Variants in TLN2 observed in about 807,000 individuals in gnomAD.
TLN2 encodes talin-2.
Under a neutral mutation model 294.7 loss-of-function variants are expected in TLN2, and 118 were observed. The observed-to-expected ratio is 0.40, with a 90% CI of 0.34 to 0.47. The LOEUF (loss-of-function observed/expected upper bound fraction) is 0.47. Ranked by LOEUF, TLN2 falls within the 20% of genes least tolerant of loss-of-function variation. The probability of loss-of-function intolerance (pLI) is 0.84; values close to 1 mark genes in which losing one functional copy is unlikely to be tolerated. For synonymous variants in TLN2, 1,431 were observed against 1,304.5 expected, an observed-to-expected ratio of 1.10 and a Z score of -2.09; for missense variants, 3,083 against 3,282.2, an observed-to-expected ratio of 0.94 and a Z score of 1.48.
chr15:62,775,585 A>G (rs1402903644), intron 42 of TLN2, among the ~76,000 whole-genome samples: 2 of 152,186 alleles, frequency 1.3e-5, no homozygotes, highest in East Asian at 1.9e-4. Flanking sequence ...TGGCTTTTCA[A>G]TTCAGACATG....
rs1399254111 is a variant in TLN2, at chr15:62,783,881, A to T, written c.5727A>T (p.Glu1909Asp). The T allele has an allele frequency of 6.2e-7, 1 of 1,613,874 alleles. No individual in the cohort carries two copies. Among genetic ancestry groups the T allele is most frequent in the Non-Finnish European group, 8.5e-7 (1 of 1,179,978 alleles). ...FQGQMAAATA[E>D]PEEIGFQIRT... ...GCCAGATGGCAGCAGCCACGGCGGAACCAGAGGAGGTCTGCCACCTTAAGA... is the reference window on the plus strand; with the variant it reads ...GCCAGATGGCAGCAGCCACGGCGGATCCAGAGGAGGTCTGCCACCTTAAGA... The change falls in exon 45 of 59, where the codon GAA becomes GAT. Residue 1909 changes from glutamate to aspartate, a missense_variant. Physicochemically the swap from Glu to Asp is conservative, Grantham distance 45. Transcript: ENST00000636159.
chr15:62,626,333 T>A (rs1006267669), intron 3 of TLN2, among the ~76,000 whole-genome samples: 1 of 152,172 alleles, frequency 6.6e-6, no homozygotes, highest in Non-Finnish European at 1.5e-5. Flanking sequence ...CAAAAGTAGG[T>A]ATTTCAGGTT....
At chr15:62,658,840 C>A (rs1399988348) in intron 9 of TLN2, among the ~76,000 whole-genome samples, 2 of 152,142 alleles carry the variant, frequency 1.3e-5, no homozygotes, top group African/African-American at 4.8e-5. Context: ...CGGCTGGCCC[C>A]TCAGATACAA....
chr15:62,556,548 C>T (rs546351805), intron 1 of TLN2, among the ~76,000 whole-genome samples: 13 of 152,010 alleles, frequency 8.6e-5, no homozygotes, highest in Admixed American at 5.2e-4. Context: ...ATCCTCCTGC[C>T]GCAGCCTCCT....
intron 1 of TLN2, among the ~76,000 whole-genome samples, chr15:62,589,371 A>G (rs954253728): frequency 6.6e-6 from 1 of 152,198 alleles, no homozygotes; most frequent in African/African-American, 2.4e-5. Flanking sequence ...TGTTTTCGAC[A>G]TTGAGGGAGG....
intron 1 of TLN2, among the ~76,000 whole-genome samples, chr15:62,555,788 A>G (rs1231663710): frequency 1.3e-5 from 2 of 152,134 alleles, no homozygotes; most frequent in African/African-American, 2.4e-5. Context: ...CTAAATATCA[A>G]TGTATTTGCT....
chr15:62,674,440 C>A (rs554537074), intron 10 of TLN2, among the ~76,000 whole-genome samples: 1 of 151,996 alleles, frequency 6.6e-6, no homozygotes, highest in Admixed American at 6.5e-5. Context: ...ATAAAACATT[C>A]TTTTCTCCAG....
At position 62,835,786 on chromosome 15, in the gene TLN2, G is replaced by C; in HGVS notation, c.7178G>C (p.Gly2393Ala). 1.2e-6 allele frequency: 2 copies of C among 1,614,182 alleles called. No individual in the cohort carries two copies. The highest frequency in any genetic ancestry group is 1.7e-6 in the Non-Finnish European group (2 of 1,180,040). ...GCAGACGACGGACAGTGGTCACAGG[G>C]GCTGATTTCTGCTGTGAGTTGCCTT... ...NAADDGQWSQGLISAARMVAA... is the reference protein window; with the variant it reads ...NAADDGQWSQALISAARMVAA... Residue 2393 changes from glycine (G) to alanine (A), a missense_variant, in exon 56 of 59, where the codon GGG becomes GCG. Transcript: ENST00000636159.
At chr15:62,619,876 T>A (rs987423271) in intron 3 of TLN2, among the ~76,000 whole-genome samples, 2 of 152,244 alleles carry the variant, frequency 1.3e-5, no homozygotes, top group Non-Finnish European at 2.9e-5. Flanking sequence ...TCATTTTTTT[T>A]AGCTCTGGGG....
intron 1 of TLN2, among the ~76,000 whole-genome samples, chr15:62,565,347 A>G (rs556151983): frequency 1.0e-4 from 16 of 152,384 alleles, no homozygotes; most frequent in African/African-American, 3.1e-4. Flanking sequence ...AAGTATATAC[A>G]TAATAAATTG....
At chr15:62,669,285 C>A (rs1299698738) in intron 9 of TLN2, among the ~76,000 whole-genome samples, 1 of 152,188 alleles carries the variant, frequency 6.6e-6, no homozygotes, top group Non-Finnish European at 1.5e-5. Context: ...ATCATGTGCT[C>A]TCCAGCCAGC....
intron 3 of TLN2, among the ~76,000 whole-genome samples, chr15:62,627,727 A>C (rs1467757453): frequency 6.6e-6 from 1 of 152,202 alleles, no homozygotes; most frequent in African/African-American, 2.4e-5. Flanking sequence ...CATCATTAGG[A>C]TCAAGTATGT....
chr15:62,431,115 C>T (rs2034988760), intron 1 of TLN2, among the ~76,000 whole-genome samples: 1 of 152,068 alleles, frequency 6.6e-6, no homozygotes, highest in Non-Finnish European at 1.5e-5. Context: ...GGGGAAACGA[C>T]TTTTAACAGG....
At chr15:62,667,699 A>G (rs2054881696) in intron 9 of TLN2, among the ~76,000 whole-genome samples, 1 of 152,234 alleles carries the variant, frequency 6.6e-6, no homozygotes. Flanking sequence ...GATAAGAGGC[A>G]GTTCACATTT....
chr15:62,712,309 T>C (rs1181459290), intron 22 of TLN2, among the ~76,000 whole-genome samples: 1 of 152,220 alleles, frequency 6.6e-6, no homozygotes, highest in African/African-American at 2.4e-5. Context: ...GTGCCCTCTT[T>C]AGGGAGGCCT....
At chr15:62,813,751 G>C (rs1454701944) in intron 52 of TLN2, among the ~76,000 whole-genome samples, 3 of 151,708 alleles carry the variant, frequency 2.0e-5, no homozygotes, top group Non-Finnish European at 1.5e-5. Context: ...ACATTCTCTA[G>C]ATGTAAAGAT....
intron 1 of TLN2, among the ~76,000 whole-genome samples, chr15:62,403,064 C>T (rs561329043): frequency 6.6e-6 from 1 of 152,018 alleles, no homozygotes; most frequent in Non-Finnish European, 1.5e-5. Context: ...ATGGTGAAAC[C>T]CCGTCTCTAC....
chr15:62,760,127 A>G (rs2062570292), intron 37 of TLN2, among the ~76,000 whole-genome samples: 1 of 152,230 alleles, frequency 6.6e-6, no homozygotes, highest in African/African-American at 2.4e-5. Context: ...TTGGGCCTGG[A>G]AAAATGGCAG....
At chr15:62,581,958 C>T (rs1480455601) in intron 1 of TLN2, among the ~76,000 whole-genome samples, 2 of 151,248 alleles carry the variant, frequency 1.3e-5, no homozygotes, top group African/African-American at 2.4e-5. Flanking sequence ...GCAGGAGAAT[C>T]GTTTGAACCT....
Sources: allele counts gnomAD v4.1 joint callset (sites outside exome capture counted in the v4.1 genomes callset), GRCh38; gene constraint gnomAD v4.1.1; transcripts MANE v1.5; gene names NCBI Gene and HGNC (gene_info 2026-07-23, HGNC 2026-07-21).